The following TRAPPC10 variants were observed in gnomAD, a reference collection of about 807,000 sequenced individuals.
TRAPPC10 encodes TRAPP 130 kDa subunit.
TRAPPC10 carries 23 observed loss-of-function variants against 125.5 expected under a neutral mutation model. The ratio of observed to expected loss-of-function variants is 0.18; its 90% CI spans 0.13 to 0.26. The LOEUF is 0.26. Ranked by LOEUF, TRAPPC10 falls within the 10% of genes least tolerant of loss-of-function variation. The pLI is 1.00. For missense variants in TRAPPC10, 1,123 were observed against 1,308.4 expected, an observed-to-expected ratio of 0.86 and a Z score of 2.19; for synonymous variants, 509 against 518.0, an observed-to-expected ratio of 0.98 and a Z score of 0.24.
intron 3 of TRAPPC10, among the ~76,000 whole-genome samples, chr21:44,044,784 C>T (rs2145778531): frequency 6.6e-6 from 1 of 151,536 alleles, no homozygotes; most frequent in East Asian, 1.9e-4. Flanking sequence ...CTGCCTCAGC[C>T]TCTGAAGTAG....
At chr21:44,073,561 A>G (rs563431078) in intron 7 of TRAPPC10, among the ~76,000 whole-genome samples, 1 of 152,136 alleles carries the variant, frequency 6.6e-6, no homozygotes, top group South Asian at 2.1e-4. Flanking sequence ...GGCTCAAGTA[A>G]ATACAGAAGC....
At chr21:44,046,604 C>T (rs987954013) in intron 3 of TRAPPC10, 9 of 193,324 alleles carry the variant, frequency 4.7e-5, no homozygotes, top group Admixed American at 1.8e-4. Flanking sequence ...CTCTGCCTCC[C>T]GGGTTCAAGC....
At position 44,083,267 on chromosome 21, in the gene TRAPPC10, G is replaced by C; in HGVS notation, c.2203G>C (p.Glu735Gln). Reference protein sequence around the residue: ...HVLRCSHVTLEPGANQITFRT... With the variant: ...HVLRCSHVTLQPGANQITFRT... Reference sequence around the variant, plus strand: ...GCTGAGGTGCAGCCACGTGACCCTGGAACCAGGGGCCAACCAGATAACATT... The same window carrying C: ...GCTGAGGTGCAGCCACGTGACCCTGCAACCAGGGGCCAACCAGATAACATT... Residue 735 changes from glutamate (E) to glutamine (Q), a missense_variant, in exon 14 of 23, where the codon GAA (glutamate) becomes CAA (glutamine). This residue lies in a region of TRAPPC10 where 840 missense variants were observed against 902.0 expected (regional missense o/e 0.93). Transcript: ENST00000291574. 1.2e-6 allele frequency: 2 copies of C among 1,614,008 alleles called. No homozygotes were observed. Among genetic ancestry groups the C allele is most frequent in the African/African-American group, 2.7e-5 (2 of 75,044 alleles).
intron 3 of TRAPPC10, chr21:44,046,486 G>T (rs1216659219): frequency 3.2e-5 from 8 of 251,738 alleles, no homozygotes; most frequent in Non-Finnish European, 5.9e-5. Context: ...GTGACAAGGG[G>T]TGACACGCTT....
chr21:44,019,559 A>G (rs1352197876), intron 1 of TRAPPC10, among the ~76,000 whole-genome samples: 3 of 152,186 alleles, frequency 2.0e-5, no homozygotes, highest in East Asian at 1.9e-4. Flanking sequence ...ATAACCTTGG[A>G]GTCATTTATG....
intron 1 of TRAPPC10, among the ~76,000 whole-genome samples, chr21:44,022,218 T>C (rs7282643): frequency 0.38 from 57,353 of 149,752 alleles, 15,838 homozygotes; most frequent in African/African-American, 0.79. Flanking sequence ...AAGCAACTCT[T>C]CTGCCTCAGC....
chr21:44,049,002 C>G (rs2035055083), intron 3 of TRAPPC10, among the ~76,000 whole-genome samples: 1 of 152,060 alleles, frequency 6.6e-6, no homozygotes, highest in Non-Finnish European at 1.5e-5. Flanking sequence ...TGAGAATGTA[C>G]TGATTCTTTG....
rs984761766 is a variant in TRAPPC10, at chr21:44,059,312, G to T, written c.790+98G>T. On this transcript the variant is annotated intron_variant, in intron 6 of 22. Transcript: ENST00000291574. This position sits in a 1 kb window ranked among gnomAD's most constrained non-coding sequence, Gnocchi z 4.4. ...AGCCATTTATTTACCTCAGGAGTAC[G>T]CATGTTTTGTTGTTGTCTTTATACA... 1 of 815,844 alleles carries T rather than the reference G, an allele frequency of 1.2e-6. No individual in the cohort carries two copies. The highest frequency in any genetic ancestry group is 2.0e-6 in the Non-Finnish European group (1 of 503,368). The allele number at this position is 815,844 out of a possible 1,614,324, so 50.5% of individuals were successfully genotyped here. A position where few individuals can be genotyped will look rare whatever the true frequency, so the allele number is the denominator to read the frequency against.
chr21:44,091,796 A>C (rs1004205498), intron 18 of TRAPPC10, 127 bp from the exon 19 acceptor site: 1 of 919,186 alleles, frequency 1.1e-6, no homozygotes, highest in African/African-American at 1.7e-5. Context: ...CTTATGCAAC[A>C]ACTTAGCTTA....
In TRAPPC10 at chr21:44,063,129, A is replaced by G. The variant is rs1227705631; in HGVS notation, c.791-409A>G. 6.9e-6 allele frequency: 9 copies of G among 1,306,092 alleles called. No homozygotes were observed. In the Admixed American group the frequency reaches 1.8e-4, roughly 27 times the overall value. 80.9% of individuals were successfully genotyped at this position (1,306,092 alleles called of 1,614,324 possible). On this transcript the variant is annotated intron_variant, in intron 6 of 22. Transcript: ENST00000291574. This position sits in a 1 kb window ranked among gnomAD's most constrained non-coding sequence, Gnocchi z 4.4. ...TATGTAATCTAAGGAAGACCAAAAA[A>G]CACCAGGATGGTCAGAGCAGGCTGC...
intron 2 of TRAPPC10, among the ~76,000 whole-genome samples, chr21:44,037,261 T>G (rs2034055300): frequency 6.6e-6 from 1 of 152,206 alleles, no homozygotes; most frequent in Admixed American, 6.5e-5. Context: ...GGGTTCCTTC[T>G]TCTTGGGTTG....
chr21:44,048,893 C>G (rs1416700794), intron 3 of TRAPPC10, among the ~76,000 whole-genome samples: 1 of 142,654 alleles, frequency 7.0e-6, no homozygotes, highest in Admixed American at 7.5e-5. Flanking sequence ...TCATTGATTT[C>G]TAGCTTTTGA....
intron 1 of TRAPPC10, among the ~76,000 whole-genome samples, chr21:44,022,366 C>G (rs192530216): frequency 6.6e-6 from 1 of 150,634 alleles, no homozygotes; most frequent in Admixed American, 6.6e-5. Flanking sequence ...TCACTGCAAC[C>G]TCCGCCTCCC....
intron 15 of TRAPPC10, among the ~76,000 whole-genome samples, chr21:44,085,203 C>T (rs1236550201): frequency 6.6e-6 from 1 of 151,990 alleles, no homozygotes; most frequent in Non-Finnish European, 1.5e-5. Context: ...CTTGGAGCTG[C>T]CAGCCTCCAA....
intron 5 of TRAPPC10, among the ~76,000 whole-genome samples, chr21:44,058,851 G>C (rs1051559656): frequency 1.3e-5 from 2 of 152,298 alleles, no homozygotes; most frequent in African/African-American, 4.8e-5. Flanking sequence ...CCAAGGACAG[G>C]GGGGTGACCA....
chr21:44,071,076 C>G (rs1217638288), intron 7 of TRAPPC10, among the ~76,000 whole-genome samples: 1 of 152,194 alleles, frequency 6.6e-6, no homozygotes, highest in Non-Finnish European at 1.5e-5. Flanking sequence ...ACAGACTCAG[C>G]AAGGTTGAAT....
intron 1 of TRAPPC10, among the ~76,000 whole-genome samples, chr21:44,014,685 C>T (rs1391799411): frequency 6.6e-6 from 1 of 151,640 alleles, no homozygotes; most frequent in East Asian, 1.9e-4. Flanking sequence ...TGCGCAGCCT[C>T]CCGAAGTGCT....
chr21:44,019,537 A>C lies in TRAPPC10; in HGVS notation c.67+6977A>C, dbSNP rs149604775. ...TGGCCTTAGAGAATATTTGTTTTTA[A>C]ATTAAAAATTGATAACCTTGGAGTC... On this transcript the variant is annotated intron_variant, in intron 1 of 22. Transcript: ENST00000291574. 3.9e-3 allele frequency among the ~76,000 whole-genome samples: 598 copies of C among 152,302 alleles called. 5 individuals carry two copies. The highest frequency in any genetic ancestry group is 0.013 in the African/African-American group (556 of 41,562).
chr21:44,057,632 T>TA (rs1221132712), intron 5 of TRAPPC10, among the ~76,000 whole-genome samples: 1 of 152,226 alleles, frequency 6.6e-6, no homozygotes, highest in African/African-American at 2.4e-5. Flanking sequence ...TTATATTACA[T>TA]ACATTTCAAT....
Sources: allele counts gnomAD v4.1 joint callset (sites outside exome capture counted in the v4.1 genomes callset), GRCh38; gene constraint gnomAD v4.1.1; regional missense constraint gnomAD v4.1.1; non-coding constraint Gnocchi (gnomAD v3.1); transcripts MANE v1.5; gene names NCBI Gene and HGNC (gene_info 2026-07-23, HGNC 2026-07-21).